WNK3: variants seen among roughly 807,000 people sequenced by gnomAD.
The protein encoded by WNK3 is WNK lysine deficient protein kinase 3.
A neutral mutation model predicts 116.7 loss-of-function variants in WNK3; 18 were observed. That is an observed-to-expected ratio of 0.15 (90% confidence interval 0.11 to 0.23). WNK3 has a LOEUF of 0.23. WNK3 is among the 10% of genes least tolerant of loss of function. The pLI is 1.00. For synonymous variants in WNK3, 404 were observed against 469.4 expected, an observed-to-expected ratio of 0.86 and a Z score of 1.80; for missense variants, 993 against 1,323.8, an observed-to-expected ratio of 0.75 and a Z score of 3.88.
chrX:54,315,007 A>T (rs1192982500), intron 2 of WNK3, among the ~76,000 whole-genome samples: 1 of 110,439 alleles, frequency 9.1e-6, no homozygotes, highest in Non-Finnish European at 1.9e-5. Flanking sequence ...TAGAAGACTT[A>T]ATCACTGGTC....
chrX:54,249,386 G>T (rs1321876571), exon 17 of WNK3: 11 of 1,211,477 alleles, frequency 9.1e-6, no homozygotes, highest in Non-Finnish European at 1.2e-5. Context: ...CATTCAGCTG[G>T]AACTGCACGA....
exon 17 of WNK3, chrX:54,249,508 G>A (rs782574568): frequency 8.3e-7 from 1 of 1,210,014 alleles, no homozygotes; most frequent in East Asian, 3.0e-5. Flanking sequence ...AGCACATTCA[G>A]AAATCTTACC....
intron 2 of WNK3, among the ~76,000 whole-genome samples, chrX:54,323,551 A>G (rs1178666260): frequency 9.0e-6 from 1 of 111,556 alleles, no homozygotes; most frequent in Non-Finnish European, 1.9e-5. Flanking sequence ...ATGGGTATAC[A>G]GGAACTTTCT....
intron 2 of WNK3, among the ~76,000 whole-genome samples, chrX:54,317,598 A>T (rs139359066): frequency 1.1e-4 from 12 of 110,800 alleles, no homozygotes; most frequent in African/African-American, 3.6e-4. Flanking sequence ...AGTTAACAGG[A>T]GCTAGGCAGA....
At chrX:54,235,602 C>A (rs782185930) in intron 20 of WNK3, among the ~76,000 whole-genome samples, 10 of 111,135 alleles carry the variant, frequency 9.0e-5, no homozygotes, top group African/African-American at 3.3e-4. Context: ...CAGCTTTTTG[C>A]GTGCCTATTT....
intron 12 of WNK3, among the ~76,000 whole-genome samples, chrX:54,254,669 A>T (rs1234850070): frequency 8.9e-6 from 1 of 111,791 alleles, no homozygotes; most frequent in East Asian, 2.8e-4. Flanking sequence ...AAAAAGACAG[A>T]CTGGGAAAAA....
chrX:54,252,412 G>A (rs1339524267), intron 13 of WNK3, among the ~76,000 whole-genome samples: 10 of 110,968 alleles, frequency 9.0e-5, no homozygotes, highest in Admixed American at 5.8e-4. Flanking sequence ...GGCTGGGCAC[G>A]GTAGCCCAGC....
chrX:54,298,330 A>G (rs782098843), exon 7 of WNK3: 1 of 1,211,148 alleles, frequency 8.3e-7, no homozygotes, highest in East Asian at 3.0e-5. Flanking sequence ...TCTTCTGCTA[A>G]CTCCACCCTC....
intron 10 of WNK3, among the ~76,000 whole-genome samples, chrX:54,292,681 G>A (rs1557165291): frequency 1.0e-5 from 1 of 99,860 alleles, no homozygotes; most frequent in Non-Finnish European, 2.0e-5. Context: ...ACTCCAGCCT[G>A]GGCAGCAAGA....
At chrX:54,346,105 T>C (rs1275439978) in intron 1 of WNK3, among the ~76,000 whole-genome samples, 6 of 52,870 alleles carry the variant, frequency 1.1e-4, no homozygotes, top group African/African-American at 4.5e-4. Context: ...GATATATATA[T>C]ATACACACAC....
intron 2 of WNK3, among the ~76,000 whole-genome samples, chrX:54,326,221 G>C (rs1389812238): frequency 1.8e-5 from 2 of 108,283 alleles, no homozygotes; most frequent in Non-Finnish European, 3.8e-5. Flanking sequence ...CTCCCGAGTA[G>C]CTGGGACTAC....
chrX:54,256,048 A>G (rs1271640395), intron 11 of WNK3, among the ~76,000 whole-genome samples, 161 bp from the exon 12 acceptor site: 2 of 112,097 alleles, frequency 1.8e-5, no homozygotes, highest in East Asian at 5.5e-4. Context: ...ACTAAAAGCC[A>G]TTAAATTACA....
chrX:54,283,694 G>A (rs1300952901), intron 10 of WNK3, among the ~76,000 whole-genome samples: 1 of 105,850 alleles, frequency 9.4e-6, no homozygotes, highest in Non-Finnish European at 1.9e-5. Context: ...GCGTGAACCT[G>A]GGAGGCGGAG....
chrX:54,328,164 TA>T (rs1418568933), intron 2 of WNK3, among the ~76,000 whole-genome samples: 8 of 108,731 alleles, frequency 7.4e-5, no homozygotes, highest in African/African-American at 2.7e-4. Flanking sequence ...CACACACATA[TA>T]AAAAAAGAAT....
At chrX:54,261,005 C>T (rs931543223) in intron 10 of WNK3, among the ~76,000 whole-genome samples, 4 of 109,496 alleles carry the variant, frequency 3.7e-5, no homozygotes, top group Non-Finnish European at 7.6e-5. Flanking sequence ...GCTAGGATTA[C>T]AGCCGTGAGC....
chrX:54,226,271 A>G (rs1482577102), intron 22 of WNK3, among the ~76,000 whole-genome samples: 20 of 108,658 alleles, frequency 1.8e-4, no homozygotes, highest in African/African-American at 6.3e-4. Flanking sequence ...GGAGTTCGAG[A>G]TCAGCCTGGC....
At chrX:54,238,919 A>G in exon 18 of WNK3, 1 of 1,207,355 alleles carries the variant, frequency 8.3e-7, no homozygotes, top group Non-Finnish European at 1.1e-6. Context: ...CGTAGCCTGT[A>G]TGCCCAGCTT....
intron 22 of WNK3, among the ~76,000 whole-genome samples, chrX:54,217,128 C>G (rs2067705124): frequency 9.2e-6 from 1 of 109,046 alleles, no homozygotes; most frequent in African/African-American, 3.3e-5. Flanking sequence ...ACCATCCTGG[C>G]TAACACGCTG....
Position 54,203,910 on chromosome X carries a change from G to T in WNK3, c.4871-1717C>A, listed in dbSNP as rs782691875. 6.6e-4 allele frequency among the ~76,000 whole-genome samples: 73 copies of T among 110,341 alleles called. 1 individual carries two copies. Among genetic ancestry groups the T allele is most frequent in the Non-Finnish European group, 1.2e-3 (64 of 52,872 alleles). The stretch of plus-strand genomic sequence containing the variant: ...TGCAGTGTACCGAGATCACGCCATT[G>T]TACTCCAGCCTGGGCAACAGAGCAA... On this transcript the variant is annotated intron_variant, in intron 22 of 23. Transcript: ENST00000354646.
Sources: gnomAD v4.1 joint callset for allele counts (sites outside exome capture counted in the v4.1 genomes callset) on GRCh38, gnomAD v4.1.1 for gene constraint, MANE v1.5 for transcripts, NCBI Gene and HGNC (gene_info 2026-07-23, HGNC 2026-07-21) for gene names.